The following FKBP5 variants were observed in gnomAD, a reference collection of about 807,000 sequenced individuals.
FKBP5 encodes FKBP prolyl isomerase 5.
In FKBP5, 23 loss-of-function variants were observed where a neutral mutation model predicts 50.5. The ratio of observed to expected loss-of-function variants is 0.46; its 90% CI spans 0.33 to 0.65. FKBP5 has a LOEUF of 0.65. Among genes scored for constraint, FKBP5 ranks in the 30% least tolerant of loss-of-function variants. The pLI is 0.02. For synonymous variants in FKBP5, 176 were observed against 190.6 expected (o/e 0.92, Z 0.63); for missense variants, 411 against 553.1 (o/e 0.74, Z 2.58).
At chr6:35,679,876 A>T (rs1182851789) in intron 1 of FKBP5, among the ~76,000 whole-genome samples, 1 of 152,190 alleles carries the variant, frequency 6.6e-6, no homozygotes, top group East Asian at 1.9e-4. Flanking sequence ...TAATTCATCC[A>T]TGTAACCAAA....
intron 10 of FKBP5, among the ~76,000 whole-genome samples, chr6:35,576,754 C>A (rs1338179090): frequency 6.6e-6 from 1 of 152,164 alleles, no homozygotes; most frequent in African/African-American, 2.4e-5. Context: ...ACCACAATTA[C>A]TTTTGAACCA....
intron 8 of FKBP5, chr6:35,581,954 A>G: frequency 1.0e-6 from 1 of 985,442 alleles, no homozygotes. Context: ...TAAGAGAAAA[A>G]CCATAGAGCA....
intron 8 of FKBP5, chr6:35,586,826 T>A: frequency 7.0e-7 from 1 of 1,431,774 alleles, no homozygotes; most frequent in Non-Finnish European, 9.1e-7. Flanking sequence ...TAGAGCAGAA[T>A]GTGTAAAAGA....
chr6:35,583,509 A>G (rs933942079), intron 8 of FKBP5: 1 of 985,320 alleles, frequency 1.0e-6, no homozygotes, highest in Admixed American at 6.1e-5. Flanking sequence ...TCAACTTCCA[A>G]TTAGCGAAAA....
intron 6 of FKBP5, among the ~76,000 whole-genome samples, chr6:35,591,751 G>C (rs1470353926): frequency 6.6e-6 from 1 of 152,234 alleles, no homozygotes; most frequent in South Asian, 2.1e-4. Context: ...TCACACATCA[G>C]GAGAGAAAAG....
chr6:35,694,025 G>C (rs1766043841), intron 2 of FKBP5, among the ~76,000 whole-genome samples: 2 of 152,054 alleles, frequency 1.3e-5, no homozygotes, highest in South Asian at 4.1e-4. Context: ...AAAAAATAGT[G>C]ACAGAGTCTC....
At chr6:35,596,254 C>T (rs944711163) in intron 6 of FKBP5, among the ~76,000 whole-genome samples, 1 of 152,076 alleles carries the variant, frequency 6.6e-6, no homozygotes, top group Non-Finnish European at 1.5e-5. Flanking sequence ...ACTCGGGAGG[C>T]TGAGGCAGGA....
intron 5 of FKBP5, among the ~76,000 whole-genome samples, chr6:35,616,483 G>C (rs1178209501): frequency 6.6e-6 from 1 of 152,042 alleles, no homozygotes; most frequent in Non-Finnish European, 1.5e-5. Context: ...AATGTACTGT[G>C]ATTAGGTAAG....
chr6:35,710,634 C>G (rs1766396733), intron 2 of FKBP5, among the ~76,000 whole-genome samples: 1 of 152,194 alleles, frequency 6.6e-6, no homozygotes, highest in Non-Finnish European at 1.5e-5. Context: ...CCATACGACT[C>G]AGCAATTCTG....
chr6:35,595,037 A>G (rs371299937), intron 6 of FKBP5, among the ~76,000 whole-genome samples: 1 of 152,114 alleles, frequency 6.6e-6, no homozygotes, highest in Non-Finnish European at 1.5e-5. Context: ...TGTGTGCCCT[A>G]TATGTGCAGG....
upstream of FKBP5, among the ~76,000 whole-genome samples, chr6:35,690,513 C>G (rs1765965153): frequency 6.6e-6 from 1 of 151,508 alleles, no homozygotes; most frequent in Admixed American, 6.6e-5. Flanking sequence ...CAAATAAAGC[C>G]AAGACTGAAA....
chr6:35,666,831 C>T (rs565930179), intron 1 of FKBP5, among the ~76,000 whole-genome samples: 4 of 151,830 alleles, frequency 2.6e-5, no homozygotes, highest in African/African-American at 9.7e-5. Context: ...TGCAGTAAGC[C>T]GAGATTGCAC....
chr6:35,673,085 A>G (rs995512403), intron 1 of FKBP5, among the ~76,000 whole-genome samples: 3 of 152,194 alleles, frequency 2.0e-5, no homozygotes, highest in African/African-American at 7.2e-5. Flanking sequence ...AGAAAAAATT[A>G]CCAGCCCTGT....
intron 1 of FKBP5, among the ~76,000 whole-genome samples, chr6:35,643,153 A>C (rs1764541930): frequency 6.6e-6 from 1 of 152,190 alleles, no homozygotes; most frequent in Non-Finnish European, 1.5e-5. Context: ...CACAACTTTG[A>C]AAACATCCTT....
intron 1 of FKBP5, among the ~76,000 whole-genome samples, chr6:35,644,252 C>T (rs893812409): frequency 6.6e-6 from 1 of 152,152 alleles, no homozygotes; most frequent in African/African-American, 2.4e-5. Context: ...CCACACTGCT[C>T]CCTGTTTGGG....
intron 8 of FKBP5, chr6:35,585,823 T>C (rs926767613): frequency 2.0e-6 from 2 of 985,290 alleles, no homozygotes; most frequent in Non-Finnish European, 1.2e-6. Flanking sequence ...GACCCAATAT[T>C]GTCTCAGCTC....
intron 3 of FKBP5, among the ~76,000 whole-genome samples, chr6:35,630,191 A>AGC (rs1554134051): frequency 1.1e-4 from 17 of 151,760 alleles, no homozygotes; most frequent in African/African-American, 4.1e-4. Context: ...AGAGAGAGAG[A>AGC]GCGAGCGAAC....
intron 1 of FKBP5, among the ~76,000 whole-genome samples, chr6:35,676,432 C>A (rs1239103690): frequency 6.6e-6 from 1 of 152,152 alleles, no homozygotes; most frequent in Non-Finnish European, 1.5e-5. Context: ...ACCTAAAATC[C>A]AACCCACTCA....
intron 3 of FKBP5, among the ~76,000 whole-genome samples, chr6:35,627,532 A>G (rs377195273): frequency 3.5e-4 from 54 of 152,324 alleles, no homozygotes; most frequent in African/African-American, 1.2e-3. Flanking sequence ...CTTATCAGAT[A>G]TAAGATTTGC....
Sources: gnomAD v4.1 joint callset for allele counts (sites outside exome capture counted in the v4.1 genomes callset) on GRCh38, gnomAD v4.1.1 for gene constraint, MANE v1.5 for transcripts, NCBI Gene and HGNC (gene_info 2026-07-23, HGNC 2026-07-21) for gene names.